ICE2: variants seen among roughly 807,000 people sequenced by gnomAD.
ICE2 encodes little elongation complex subunit 2.
Under a neutral mutation model 105.4 loss-of-function variants are expected in ICE2, and 87 were observed. The ratio of observed to expected loss-of-function variants is 0.83; its 90% CI spans 0.69 to 0.99. The LOEUF (loss-of-function observed/expected upper bound fraction) is 0.99. Ranked by LOEUF, ICE2 falls within the 50% of genes least tolerant of loss-of-function variation. ICE2 has a pLI of 0.00. For missense variants in ICE2, 1,323 were observed against 1,146.7 expected (o/e 1.15, Z -2.22); for synonymous variants, 399 against 392.0 (o/e 1.02, Z -0.21).
chr15:60,464,098 A>G (rs2064355195), intron 5 of ICE2, among the ~76,000 whole-genome samples: 1 of 152,226 alleles, frequency 6.6e-6, no homozygotes, highest in Non-Finnish European at 1.5e-5. Context: ...TTTAAAACTA[A>G]AAGATCTCAG....
intron 5 of ICE2, among the ~76,000 whole-genome samples, chr15:60,466,049 G>A (rs2064418564): frequency 6.6e-6 from 1 of 152,138 alleles, no homozygotes; most frequent in South Asian, 2.1e-4. Flanking sequence ...ACCACGCCTG[G>A]CCTGTTTAAG....
Position 60,455,079 on chromosome 15 carries a change from G to T in ICE2, c.867C>A (p.Thr289=), listed in dbSNP as rs752445570. Residue 289 remains threonine, a synonymous_variant, in exon 8 of 16, where the codon ACC becomes ACA. Transcript: ENST00000261520. The part of the protein sequence containing the change: ...QIALTSQSLF[T]LLNNHGPTYK... ...ACGTTGGTCCATGATTATTTAATAA[G>T]GTAAATAATGACTGACTAGTTAGAG... 5.0e-6 allele frequency: 8 copies of T among 1,599,736 alleles called. No homozygotes were observed. Among genetic ancestry groups the T allele is most frequent in the Non-Finnish European group, 6.8e-6 (8 of 1,173,970 alleles).
chr15:60,435,879 G>A (rs2063575982), intron 13 of ICE2, among the ~76,000 whole-genome samples: 1 of 150,854 alleles, frequency 6.6e-6, no homozygotes, highest in Admixed American at 6.6e-5. Flanking sequence ...AGGCTGAGGT[G>A]GGAGGATCCC....
intron 5 of ICE2, among the ~76,000 whole-genome samples, chr15:60,459,852 G>A (rs1487025509): frequency 1.1e-4 from 16 of 151,654 alleles, no homozygotes; most frequent in Admixed American, 9.2e-4. Flanking sequence ...CAGAGAGGGG[G>A]ACACTAGGAA....
At chr15:60,471,241 TAA>T (rs1026491014) in intron 3 of ICE2, among the ~76,000 whole-genome samples, 1 of 151,584 alleles carries the variant, frequency 6.6e-6, no homozygotes, top group Non-Finnish European at 1.5e-5. Flanking sequence ...ATAACACAGG[TAA>T]AAAAAAGACA....
At chr15:60,440,464 G>T (rs1301215286) in intron 12 of ICE2, 1 of 152,144 alleles carries the variant, frequency 6.6e-6, no homozygotes, top group Non-Finnish European at 1.5e-5. Flanking sequence ...TGCAACTAGG[G>T]AAAGTGGGGA....
At chr15:60,470,123 G>A (rs2064548074) in intron 3 of ICE2, among the ~76,000 whole-genome samples, 1 of 152,050 alleles carries the variant, frequency 6.6e-6, no homozygotes, top group Admixed American at 6.6e-5. Context: ...ACTACCATGT[G>A]CCAGCCTATG....
chr15:60,450,113 G>A lies in ICE2; in HGVS notation c.1126-272C>T, dbSNP rs548743825. ...ATATTTACAAACTACCACATCTCAA[G>A]AGGAATTTCAACGAATCAAAAAATA... On this transcript the variant is annotated intron_variant, in intron 9 of 15. Transcript: ENST00000261520. Among the ~76,000 whole-genome samples the A allele has an allele frequency of 3.9e-5, 6 of 152,232 alleles. No individual in the cohort carries two copies. The South Asian group carries it at 1.2e-3, about 32-fold the overall frequency.
intron 15 of ICE2, among the ~76,000 whole-genome samples, chr15:60,424,735 A>C (rs1314544850): frequency 1.3e-5 from 2 of 152,130 alleles, no homozygotes; most frequent in African/African-American, 2.4e-5. Flanking sequence ...GGAATTCCTG[A>C]CCTCAAGTGA....
chr15:60,454,594 T>A (rs1461044879), intron 8 of ICE2: 1 of 155,014 alleles, frequency 6.5e-6, no homozygotes, highest in Non-Finnish European at 1.4e-5. Context: ...ACTGAATGTG[T>A]CAAACTTACA....
intron 5 of ICE2, among the ~76,000 whole-genome samples, chr15:60,461,147 C>A (rs914091915): frequency 6.6e-6 from 1 of 152,112 alleles, no homozygotes; most frequent in African/African-American, 2.4e-5. Context: ...TGACTCCAGT[C>A]TGAGAATCAC....
intron 4 of ICE2, among the ~76,000 whole-genome samples, chr15:60,467,019 G>A (rs1326826725): frequency 2.6e-5 from 4 of 151,946 alleles, no homozygotes; most frequent in Non-Finnish European, 5.9e-5. Flanking sequence ...ACAGAATCTC[G>A]CTTTGTTGCC....
Position 60,456,493 on chromosome 15 carries a change from G to A in ICE2, c.666+164C>T, listed in dbSNP as rs1365982762. Among the ~76,000 whole-genome samples, 7 of 143,042 alleles carry A rather than the reference G, an allele frequency of 4.9e-5. 1 individual carries two copies. In the South Asian group the frequency reaches 9.2e-4, roughly 19 times the overall value. The allele number at this position is 143,042 out of a possible 152,430, so 93.8% of individuals were successfully genotyped here. ...TGGGAGGTGAAGGCTGCAGTGAGCC[G>A]AGATCATGCCATTACACGCCAGGCG... On this transcript the variant is annotated intron_variant, in intron 6 of 15. Coordinates refer to ENST00000261520, the MANE Select transcript of ICE2 (RefSeq NM_024611.6).
chr15:60,438,130 T>C (rs977746569), intron 12 of ICE2: 1 of 152,134 alleles, frequency 6.6e-6, no homozygotes, highest in African/African-American at 2.4e-5. Flanking sequence ...AAGAGTGACA[T>C]AAAAGAGTCC....
In ICE2 at chr15:60,448,020, G is replaced by A. The variant is rs1202197947; in HGVS notation, c.2245C>T (p.Gln749Ter). The A allele has an allele frequency of 3.1e-6, 5 of 1,613,510 alleles. No homozygotes were observed. Among genetic ancestry groups the A allele is most frequent in the Non-Finnish European group, 4.2e-6 (5 of 1,179,790 alleles). The change falls in exon 11 of 16, where the codon CAG becomes TAG. Residue 749 changes from glutamine to a stop codon, truncating the protein, a stop_gained. Coordinates refer to ENST00000261520, the MANE Select transcript of ICE2 (RefSeq NM_024611.6). LOFTEE classifies it high-confidence loss of function. Reference protein sequence around the residue: ...DLLLLVRCSVQRIETRPRSKK... With the variant: ...DLLLLVRCSV The stretch of plus-strand genomic sequence containing the variant: ...GAACGTGGTCTTGTCTCTATCCTCT[G>A]GACACTGCAGCGTACGAGTAACAAC...
chr15:60,445,869 G>A (rs2063811372), intron 11 of ICE2: 1 of 653,520 alleles, frequency 1.5e-6, no homozygotes, highest in African/African-American at 2.0e-5. Flanking sequence ...AAATAAATCA[G>A]AGAGATAGCA....
intron 5 of ICE2, among the ~76,000 whole-genome samples, chr15:60,457,644 A>G (rs17270153): frequency 0.07 from 10,709 of 152,204 alleles, 438 homozygotes; most frequent in Middle Eastern, 0.12. Context: ...TTACTCCAGT[A>G]TATCTTTTCA....
chr15:60,442,726 T>C (rs940184547), intron 11 of ICE2, 181 bp from the exon 12 acceptor site: 1 of 462,634 alleles, frequency 2.2e-6, no homozygotes, highest in Non-Finnish European at 3.8e-6. Flanking sequence ...TAGAAGAATG[T>C]TTGGTGCCAA....
In ICE2 at chr15:60,478,054, T is replaced by C; in HGVS notation, c.-77A>G. 3 of 1,339,584 alleles carry C rather than the reference T, an allele frequency of 2.2e-6. No individual in the cohort carries two copies. The highest frequency in any genetic ancestry group is 2.1e-6 in the Non-Finnish European group (2 of 931,588). The allele number at this position is 1,339,584 out of a possible 1,614,324, so 83.0% of individuals were successfully genotyped here. On this transcript the variant is annotated 5_prime_UTR_variant, in exon 2 of 16. Coordinates refer to ENST00000261520, the MANE Select transcript of ICE2 (RefSeq NM_024611.6). ...CGAAGGCTCCAAGAGGCAGGATCCC[T>C]CCAGAACTTACTCAGCTGAGTAAAA...
Sources: allele counts gnomAD v4.1 joint callset (sites outside exome capture counted in the v4.1 genomes callset), GRCh38; gene constraint gnomAD v4.1.1; transcripts MANE v1.5; gene names NCBI Gene and HGNC (gene_info 2026-07-23, HGNC 2026-07-21).